The following MAP3K7CL variants were observed in gnomAD, a reference collection of about 807,000 sequenced individuals.
The protein encoded by MAP3K7CL is MAP3K7 C-terminal like.
In MAP3K7CL, 16 loss-of-function variants were observed where a neutral mutation model predicts 18.6. The ratio of observed to expected loss-of-function variants is 0.86; its 90% CI spans 0.58 to 1.31. The LOEUF (loss-of-function observed/expected upper bound fraction) is 1.31, where lower values mean the gene tolerates loss of function less well. Ranked by LOEUF, MAP3K7CL falls within the 50% of genes most tolerant of loss-of-function variation. The pLI, the probability that MAP3K7CL is intolerant of heterozygous loss-of-function variation, is 0.00. For synonymous variants in MAP3K7CL, 65 were observed against 66.8 expected (o/e 0.97, Z 0.13); for missense variants, 163 against 174.4 (o/e 0.93, Z 0.37).
upstream of MAP3K7CL, among the ~76,000 whole-genome samples, chr21:29,084,214 G>A (rs8128170): frequency 0.86 from 130,396 of 151,806 alleles, 56,314 homozygotes; most frequent in African/African-American, 0.94. Flanking sequence ...GGCTTAAACT[G>A]GAAACACTAC....
intron 4 of MAP3K7CL, among the ~76,000 whole-genome samples, chr21:29,123,373 A>C (rs919378514): frequency 6.6e-6 from 1 of 152,178 alleles, no homozygotes; most frequent in Non-Finnish European, 1.5e-5. Context: ...TGATCTTTTA[A>C]ATAAATGTTA....
chr21:29,162,817 A>G (rs891932828), intron 4 of MAP3K7CL, among the ~76,000 whole-genome samples: 8 of 151,300 alleles, frequency 5.3e-5, no homozygotes, highest in Admixed American at 4.6e-4. Flanking sequence ...ATTAAAATGA[A>G]AAAAGGGGCC....
intron 1 of MAP3K7CL, among the ~76,000 whole-genome samples, chr21:29,079,260 G>C (rs945266813): frequency 6.6e-6 from 1 of 152,168 alleles, no homozygotes; most frequent in Admixed American, 6.5e-5. Context: ...GTTCCAGGTG[G>C]ATCACAAGGC....
In MAP3K7CL at chr21:29,175,838, C is replaced by G. The variant is rs2123277159; in HGVS notation, c.*946C>G. The G allele has an allele frequency of 6.6e-6, 1 of 152,284 alleles. No individual in the cohort carries two copies. The highest frequency in any genetic ancestry group is 1.9e-4 in the East Asian group (1 of 5,180). 9.4% of individuals were successfully genotyped at this position (152,284 alleles called of 1,614,324 possible). On this transcript the variant is annotated 3_prime_UTR_variant, in exon 5 of 5. Coordinates refer to ENST00000399928, the MANE Select transcript of MAP3K7CL (RefSeq NM_001286620.2). The stretch of plus-strand genomic sequence containing the variant: ...TCAAATTGAACTCTTTGTTATATGT[C>G]CATTTCTATTCATGTAACTTCTTTT...
At chr21:29,091,372 T>A in intron 1 of MAP3K7CL, 1 of 543,068 alleles carries the variant, frequency 1.8e-6, no homozygotes, top group Admixed American at 3.7e-5. Context: ...TTTTAGCCAG[T>A]TGATTTTTAA....
chr21:29,108,944 C>G, intron 4 of MAP3K7CL: 1 of 1,083,098 alleles, frequency 9.2e-7, no homozygotes, highest in Non-Finnish European at 1.3e-6. Context: ...TGCATGAATG[C>G]TTTGGTTACA....
intron 1 of MAP3K7CL, among the ~76,000 whole-genome samples, chr21:29,080,367 C>T (rs2085816003): frequency 6.6e-6 from 1 of 152,228 alleles, no homozygotes; most frequent in Non-Finnish European, 1.5e-5. Flanking sequence ...AGCCTATTTT[C>T]ATGCTGTTTT....
At chr21:29,157,358 C>T (rs1453847585) in intron 3 of MAP3K7CL, among the ~76,000 whole-genome samples, 1 of 152,114 alleles carries the variant, frequency 6.6e-6, no homozygotes, top group Non-Finnish European at 1.5e-5. Context: ...TTCCTCTTTA[C>T]TTAAAAAATA....
chr21:29,085,914 T>G (rs2085917598), exon 1 of MAP3K7CL: 2 of 1,614,006 alleles, frequency 1.2e-6, no homozygotes, highest in Admixed American at 1.7e-5. Flanking sequence ...CAGCAGATCT[T>G]AAGGTATGTC....
chr21:29,131,372 A>G (rs2086776946), intron 1 of MAP3K7CL: 1 of 152,194 alleles, frequency 6.6e-6, no homozygotes, highest in Non-Finnish European at 1.5e-5. Flanking sequence ...TACAATGCAT[A>G]ACAGTAAAAC....
intron 4 of MAP3K7CL, among the ~76,000 whole-genome samples, chr21:29,167,944 C>G (rs964596902): frequency 6.6e-6 from 1 of 151,970 alleles, no homozygotes; most frequent in Non-Finnish European, 1.5e-5. Flanking sequence ...CGTGGTCCGC[C>G]CACCTGGCCT....
At chr21:29,091,972 T>C (rs1393506698) in intron 3 of MAP3K7CL, among the ~76,000 whole-genome samples, 2 of 151,960 alleles carry the variant, frequency 1.3e-5, no homozygotes, top group Non-Finnish European at 1.5e-5. Flanking sequence ...GCTAGGGGAG[T>C]TGTCTAACAT....
In MAP3K7CL at chr21:29,109,283, C is replaced by T. The variant is rs1237189118; in HGVS notation, c.370+16702C>T. On this transcript the variant is annotated intron_variant, in intron 4 of 6. Transcript: ENST00000286791. ...CCAGATAGTGCATGTGTGTGTAATG[C>T]TTATTTTGTGCCCATTTAATTAATG... The T allele has an allele frequency of 4.0e-6, 6 of 1,504,680 alleles. No homozygotes were observed. In the East Asian group the frequency reaches 1.5e-4, roughly 37 times the overall value. 93.2% of individuals were successfully genotyped at this position (1,504,680 alleles called of 1,614,324 possible). A position where few individuals can be genotyped will look rare whatever the true frequency, so the allele number is the denominator to read the frequency against.
upstream of MAP3K7CL, among the ~76,000 whole-genome samples, chr21:29,077,212 G>C (rs971960616): frequency 6.6e-6 from 1 of 152,266 alleles, no homozygotes; most frequent in Non-Finnish European, 1.5e-5. Flanking sequence ...TCAGCCCTTG[G>C]GTGGTTGATG....
At chr21:29,091,845 A>G in intron 3 of MAP3K7CL, 2 of 653,212 alleles carry the variant, frequency 3.1e-6, no homozygotes, top group Non-Finnish European at 5.5e-6. Context: ...TGTACCAGGT[A>G]CTATGTATTA....
intron 2 of MAP3K7CL, among the ~76,000 whole-genome samples, chr21:29,136,940 G>T (rs2086899099): frequency 6.6e-6 from 1 of 152,232 alleles, no homozygotes; most frequent in Non-Finnish European, 1.5e-5. Context: ...AGCCAGAGAG[G>T]CATGATTTCT....
chr21:29,153,337 C>T (rs2087321597), intron 3 of MAP3K7CL, among the ~76,000 whole-genome samples: 1 of 152,192 alleles, frequency 6.6e-6, no homozygotes, highest in South Asian at 2.1e-4. Flanking sequence ...CTAAATTTCC[C>T]ATGCCCATCA....
chr21:29,161,266 C>T (rs185604888), intron 4 of MAP3K7CL, among the ~76,000 whole-genome samples: 149 of 152,212 alleles, frequency 9.8e-4, no homozygotes, highest in African/African-American at 3.3e-3. Flanking sequence ...GCTGAGATCA[C>T]GTGCCACTAT....
At chr21:29,103,238 G>C (rs143951446) in intron 4 of MAP3K7CL, among the ~76,000 whole-genome samples, 1 of 152,212 alleles carries the variant, frequency 6.6e-6, no homozygotes, top group African/African-American at 2.4e-5. Flanking sequence ...GAGTAATTGT[G>C]ATAGCAACTA....
Sources: allele counts gnomAD v4.1 joint callset (sites outside exome capture counted in the v4.1 genomes callset), GRCh38; gene constraint gnomAD v4.1.1; transcripts MANE v1.5; gene names NCBI Gene and HGNC (gene_info 2026-07-23, HGNC 2026-07-21).